The following MITF variants were observed in gnomAD, a reference collection of about 807,000 sequenced individuals.
MITF encodes microphthalmia-associated transcription factor.
Under a neutral mutation model 60.5 loss-of-function variants are expected in MITF, and 17 were observed. The ratio of observed to expected loss-of-function variants is 0.28; its 90% CI spans 0.19 to 0.42. MITF has a LOEUF of 0.42. Ranked by LOEUF, MITF falls within the 10% of genes least tolerant of loss-of-function variation. MITF has a pLI of 1.00. For missense variants in MITF, 622 were observed against 683.5 expected (o/e 0.91, Z 1.00); for synonymous variants, 260 against 248.5 (o/e 1.05, Z -0.43).
intron 2 of MITF, among the ~76,000 whole-genome samples, chr3:69,894,731 AT>A (rs2107328868): frequency 6.6e-6 from 1 of 151,716 alleles, no homozygotes; most frequent in East Asian, 1.9e-4. Flanking sequence ...AATCTCTGTA[AT>A]TTATGGTACA....
intron 2 of MITF, among the ~76,000 whole-genome samples, chr3:69,890,389 C>T (rs2064732873): frequency 6.6e-6 from 1 of 152,142 alleles, no homozygotes; most frequent in Admixed American, 6.5e-5. Context: ...ACATATCACA[C>T]TTACATAGCA....
At chr3:69,782,165 A>G (rs922902641) in intron 1 of MITF, among the ~76,000 whole-genome samples, 2 of 152,210 alleles carry the variant, frequency 1.3e-5, no homozygotes, top group African/African-American at 4.8e-5. Context: ...CCTGCCCTAT[A>G]AGAATCTCAG....
intron 1 of MITF, among the ~76,000 whole-genome samples, chr3:69,767,155 CAT>C (rs1166938055): frequency 6.6e-6 from 1 of 152,208 alleles, no homozygotes; most frequent in Non-Finnish European, 1.5e-5. Context: ...CTCCAAAGCA[CAT>C]GTCTCCATCT....
At chr3:69,845,827 A>G (rs1377760185) in intron 1 of MITF, among the ~76,000 whole-genome samples, 2 of 152,120 alleles carry the variant, frequency 1.3e-5, no homozygotes, top group African/African-American at 4.8e-5. Flanking sequence ...CAGGCACTGA[A>G]TTGGCTTTTC....
At chr3:69,751,072 T>C (rs1031279475) in intron 1 of MITF, among the ~76,000 whole-genome samples, 1 of 151,832 alleles carries the variant, frequency 6.6e-6, no homozygotes, top group Non-Finnish European at 1.5e-5. Flanking sequence ...CAAAAAGGGG[T>C]TGTATTTTAA....
At chr3:69,832,367 C>T (rs1036150883) in intron 1 of MITF, among the ~76,000 whole-genome samples, 1 of 152,170 alleles carries the variant, frequency 6.6e-6, no homozygotes, top group Non-Finnish European at 1.5e-5. Flanking sequence ...CAGGGTTATG[C>T]AGGTTCTGGC....
intron 1 of MITF, among the ~76,000 whole-genome samples, chr3:69,863,096 ACGTT>A (rs1431460451): frequency 5.4e-4 from 82 of 152,308 alleles, no homozygotes; most frequent in Middle Eastern, 3.4e-3. Flanking sequence ...CTTACATATT[ACGTT>A]GATTCATTTT....
At chr3:69,762,555 T>G (rs1310235976) in intron 1 of MITF, among the ~76,000 whole-genome samples, 1 of 152,202 alleles carries the variant, frequency 6.6e-6, no homozygotes, top group Admixed American at 6.5e-5. Flanking sequence ...TGTAATGATC[T>G]CTTTTTGGAG....
intron 2 of MITF, among the ~76,000 whole-genome samples, chr3:69,900,871 T>G (rs1413232574): frequency 6.6e-6 from 1 of 152,146 alleles, no homozygotes; most frequent in African/African-American, 2.4e-5. Flanking sequence ...CTTGCATTTG[T>G]TAACTATTAA....
chr3:69,910,218 T>C (rs1479331223), intron 2 of MITF, among the ~76,000 whole-genome samples: 1 of 152,214 alleles, frequency 6.6e-6, no homozygotes, highest in Non-Finnish European at 1.5e-5. Context: ...CCATGTGGTG[T>C]TGAGCCTGCA....
At chr3:69,958,296 A>G (rs1220491112) in intron 8 of MITF, among the ~76,000 whole-genome samples, 1 of 152,224 alleles carries the variant, frequency 6.6e-6, no homozygotes, top group Non-Finnish European at 1.5e-5. Context: ...AGCTCTGAAT[A>G]TTAAGTCTCT....
intron 1 of MITF, among the ~76,000 whole-genome samples, chr3:69,829,744 T>C (rs2063415525): frequency 6.6e-6 from 1 of 152,168 alleles, no homozygotes; most frequent in Non-Finnish European, 1.5e-5. Context: ...TGGTTCCACT[T>C]GGACTACTAA....
intron 1 of MITF, among the ~76,000 whole-genome samples, chr3:69,783,612 G>A (rs1330688747): frequency 1.3e-5 from 2 of 151,744 alleles, no homozygotes; most frequent in Non-Finnish European, 2.9e-5. Flanking sequence ...TACTCTAATC[G>A]AATGATCTGC....
At chr3:69,926,872 G>A (rs754454172) in intron 2 of MITF, among the ~76,000 whole-genome samples, 11 of 152,168 alleles carry the variant, frequency 7.2e-5, no homozygotes, top group Non-Finnish European at 7.3e-5. Flanking sequence ...GAAACAAGGC[G>A]AATTTCACCA....
intron 1 of MITF, among the ~76,000 whole-genome samples, chr3:69,854,890 T>A (rs1380364882): frequency 6.6e-6 from 1 of 152,184 alleles, no homozygotes; most frequent in East Asian, 1.9e-4. Context: ...AGTATTAAAA[T>A]TCAGTGAAAA....
At chr3:69,849,538 G>A (rs1391897983) in intron 1 of MITF, among the ~76,000 whole-genome samples, 1 of 152,192 alleles carries the variant, frequency 6.6e-6, no homozygotes, top group African/African-American at 2.4e-5. Flanking sequence ...GTGAAGTTGA[G>A]ACTGTTCTTA....
At chr3:69,908,674 A>T (rs557124787) in intron 2 of MITF, among the ~76,000 whole-genome samples, 1 of 152,344 alleles carries the variant, frequency 6.6e-6, no homozygotes, top group South Asian at 2.1e-4. Context: ...GAAATTAGGT[A>T]CAACTTTCCC....
At chr3:69,926,877 T>G (rs2065604039) in intron 2 of MITF, among the ~76,000 whole-genome samples, 1 of 152,224 alleles carries the variant, frequency 6.6e-6, no homozygotes, top group African/African-American at 2.4e-5. Flanking sequence ...AAGGCGAATT[T>G]CACCATTGTG....
chr3:69,832,765 A>G (rs556183646), intron 1 of MITF, among the ~76,000 whole-genome samples: 1 of 152,072 alleles, frequency 6.6e-6, no homozygotes, highest in Non-Finnish European at 1.5e-5. Context: ...TATTTACACT[A>G]TATGTGTTTT....
Sources: allele counts gnomAD v4.1 joint callset (sites outside exome capture counted in the v4.1 genomes callset), GRCh38; gene constraint gnomAD v4.1.1; transcripts MANE v1.5; gene names NCBI Gene and HGNC (gene_info 2026-07-23, HGNC 2026-07-21).